NEGR1: variants seen among roughly 807,000 people sequenced by gnomAD.
The protein encoded by NEGR1 is neuronal growth regulator 1.
A neutral mutation model predicts 40.9 loss-of-function variants in NEGR1; 10 were observed. That is an observed-to-expected ratio of 0.24 (90% CI 0.15 to 0.42). The LOEUF is 0.42. NEGR1 is among the 10% of genes least tolerant of loss of function. NEGR1 has a pLI of 1.00. For missense variants in NEGR1, 352 were observed against 438.9 expected, an observed-to-expected ratio of 0.80 and a Z score of 1.77; for synonymous variants, 185 against 166.8, an observed-to-expected ratio of 1.11 and a Z score of -0.84.
At chr1:71,618,922 T>C (rs1188638285) in intron 4 of NEGR1, among the ~76,000 whole-genome samples, 1 of 152,140 alleles carries the variant, frequency 6.6e-6, no homozygotes, top group Non-Finnish European at 1.5e-5. Flanking sequence ...ATTACTGGAA[T>C]AGTGGATCTC....
At chr1:71,607,647 A>G (rs905500832) in intron 5 of NEGR1, among the ~76,000 whole-genome samples, 3 of 152,232 alleles carry the variant, frequency 2.0e-5, no homozygotes, top group African/African-American at 7.2e-5. Context: ...CTACCTGTCC[A>G]ATAGCAGGTG....
intron 1 of NEGR1, among the ~76,000 whole-genome samples, chr1:72,193,302 G>A (rs1386510675): frequency 6.6e-6 from 1 of 151,554 alleles, no homozygotes; most frequent in Non-Finnish European, 1.5e-5. Context: ...GAAAGTTCTA[G>A]TCCAGAAAAA....
intron 1 of NEGR1, among the ~76,000 whole-genome samples, chr1:72,103,280 A>G (rs1035183866): frequency 6.6e-6 from 1 of 152,116 alleles, no homozygotes; most frequent in Non-Finnish European, 1.5e-5. Flanking sequence ...CTGTTAATGA[A>G]GAACATTTTA....
intron 1 of NEGR1, among the ~76,000 whole-genome samples, chr1:72,002,032 T>A (rs1646562231): frequency 6.6e-6 from 1 of 152,118 alleles, no homozygotes; most frequent in Admixed American, 6.6e-5. Context: ...ATTTTGGGTT[T>A]TAATAAAATT....
At chr1:71,419,544 T>A (rs1339131997) in intron 6 of NEGR1, among the ~76,000 whole-genome samples, 1 of 152,190 alleles carries the variant, frequency 6.6e-6, no homozygotes, top group Non-Finnish European at 1.5e-5. Flanking sequence ...AAATCTTAAT[T>A]AAATCTGTTT....
intron 4 of NEGR1, among the ~76,000 whole-genome samples, chr1:71,655,184 T>G (rs191525239): frequency 1.3e-5 from 2 of 152,168 alleles, no homozygotes; most frequent in Non-Finnish European, 2.9e-5. Context: ...CTAGAACTAA[T>G]TGCTGTGGAG....
chr1:72,089,690 C>G (rs1376213449), intron 1 of NEGR1, among the ~76,000 whole-genome samples: 2 of 152,000 alleles, frequency 1.3e-5, no homozygotes, highest in African/African-American at 4.8e-5. Context: ...TTTTATTTTT[C>G]CTGATAGTCT....
intron 6 of NEGR1, among the ~76,000 whole-genome samples, chr1:71,427,961 C>A (rs1646440016): frequency 6.6e-6 from 1 of 150,630 alleles, no homozygotes; most frequent in East Asian, 2.0e-4. Context: ...GAGCTATGCA[C>A]CTGCACATAA....
chr1:71,682,727 A>G (rs1652880541), intron 4 of NEGR1, among the ~76,000 whole-genome samples: 1 of 152,182 alleles, frequency 6.6e-6, no homozygotes, highest in Non-Finnish European at 1.5e-5. Flanking sequence ...TGTTGGAGGC[A>G]AGGCCCCAGT....
At chr1:72,187,734 C>T (rs1272871426) in intron 1 of NEGR1, among the ~76,000 whole-genome samples, 1 of 151,260 alleles carries the variant, frequency 6.6e-6, no homozygotes, top group African/African-American at 2.4e-5. Flanking sequence ...GACCACAGGC[C>T]AAGAAGAGTC....
intron 5 of NEGR1, among the ~76,000 whole-genome samples, chr1:71,596,286 C>T (rs370063432): frequency 1.2e-4 from 19 of 152,324 alleles, no homozygotes; most frequent in Admixed American, 8.5e-4. Context: ...CCATAACTCT[C>T]GCTCCTCTTC....
chr1:71,942,982 ATATG>A (rs1645981792), intron 1 of NEGR1, among the ~76,000 whole-genome samples: 1 of 140,122 alleles, frequency 7.1e-6, no homozygotes, highest in Non-Finnish European at 1.6e-5. Flanking sequence ...ATATAAGTAT[ATATG>A]TGTATATATA....
At chr1:71,411,256 C>T (rs1646318492) in intron 6 of NEGR1, among the ~76,000 whole-genome samples, 1 of 152,106 alleles carries the variant, frequency 6.6e-6, no homozygotes, top group Non-Finnish European at 1.5e-5. Flanking sequence ...TAGTATCAGG[C>T]TCATTATACT....
chr1:71,850,284 T>A (rs1659561334), intron 2 of NEGR1, among the ~76,000 whole-genome samples: 1 of 151,950 alleles, frequency 6.6e-6, no homozygotes, highest in South Asian at 2.1e-4. Context: ...GCCTCCTGAG[T>A]AGCTGGGACT....
intron 2 of NEGR1, among the ~76,000 whole-genome samples, chr1:71,895,884 G>T (rs141558445): frequency 6.6e-6 from 1 of 152,114 alleles, no homozygotes; most frequent in African/African-American, 2.4e-5. Context: ...TTTCACAAGA[G>T]CTACACTATT....
At chr1:71,945,427 T>A (rs12406396) in intron 1 of NEGR1, among the ~76,000 whole-genome samples, 17,948 of 152,068 alleles carry the variant, frequency 0.12, 1,148 homozygotes, top group Middle Eastern at 0.21. Context: ...ATGTATAAAA[T>A]ATAATTAGAA....
intron 1 of NEGR1, among the ~76,000 whole-genome samples, chr1:72,145,463 CAG>C (rs1393890071): frequency 3.9e-5 from 6 of 152,062 alleles, no homozygotes; most frequent in Non-Finnish European, 7.4e-5. Flanking sequence ...TGGTGTGAAA[CAG>C]AATTTTGTTT....
chr1:72,206,126 T>G (rs965073235), intron 1 of NEGR1, among the ~76,000 whole-genome samples: 2 of 151,856 alleles, frequency 1.3e-5, no homozygotes, highest in African/African-American at 4.8e-5. Flanking sequence ...AATATTATAT[T>G]AGAAATTTGG....
chr1:71,754,425 G>A (rs907490846), intron 3 of NEGR1, among the ~76,000 whole-genome samples: 1 of 151,928 alleles, frequency 6.6e-6, no homozygotes, highest in Admixed American at 6.6e-5. Context: ...AATATTTTTG[G>A]TGAAATAAGG....
Sources: gnomAD v4.1 joint callset for allele counts (sites outside exome capture counted in the v4.1 genomes callset) on GRCh38, gnomAD v4.1.1 for gene constraint, MANE v1.5 for transcripts, NCBI Gene and HGNC (gene_info 2026-07-23, HGNC 2026-07-21) for gene names.